Variants in SLC39A9 observed in about 807,000 individuals in gnomAD.
SLC39A9 encodes solute carrier family 39 member 9, also known as zinc transporter ZIP9.
SLC39A9 carries 14 observed loss-of-function variants against 28.4 expected under a neutral mutation model. That is an observed-to-expected ratio of 0.49 (90% CI 0.33 to 0.77). The LOEUF is 0.77. Ranked by LOEUF, SLC39A9 falls within the 30% of genes least tolerant of loss-of-function variation. The pLI is 0.02. For synonymous variants in SLC39A9, 119 were observed against 149.6 expected (o/e 0.80, Z 1.49); for missense variants, 283 against 381.1 (o/e 0.74, Z 2.14).
In SLC39A9 at chr14:69,423,553, A is replaced by G. The variant is rs569447159; in HGVS notation, c.97-541A>G. Among the ~76,000 whole-genome samples the G allele has an allele frequency of 7.2e-5, 11 of 152,250 alleles. No homozygotes were observed. In the East Asian group the frequency reaches 1.9e-3, roughly 27 times the overall value. ...GTATTAAAGTGTACTCATTCTTCCT[A>G]TCATGGATAGTAGACATTTTCCCAA... On this transcript the variant is annotated intron_variant, in intron 1 of 6. Transcript: ENST00000336643.
chr14:69,419,458 T>G (rs572251360), intron 1 of SLC39A9, among the ~76,000 whole-genome samples: 1 of 152,354 alleles, frequency 6.6e-6, no homozygotes, highest in African/African-American at 2.4e-5. Context: ...AATGTGGTGC[T>G]GAGAACAATG....
Position 69,442,701 on chromosome 14 carries a change from A to T in SLC39A9, c.403+435A>T, listed in dbSNP as rs532122223. ...TTGTGATATAGTAATGTATGTCTTT[A>T]TCAGTGCATTAAATAATGAGATAAT... On this transcript the variant is annotated intron_variant, in intron 3 of 6. Coordinates refer to ENST00000336643, the MANE Select transcript of SLC39A9 (RefSeq NM_018375.5). Among the ~76,000 whole-genome samples, 3 of 152,230 alleles carry T rather than the reference A, an allele frequency of 2.0e-5. No individual in the cohort carries two copies. In the South Asian group the frequency reaches 6.2e-4, roughly 31 times the overall value.
intron 6 of SLC39A9, among the ~76,000 whole-genome samples, chr14:69,456,574 CAT>C (rs1179491295): frequency 2.0e-5 from 3 of 152,140 alleles, no homozygotes; most frequent in Non-Finnish European, 4.4e-5. Context: ...CCTGAGGTAA[CAT>C]GTGCTCTTCT....
chr14:69,434,220 A>C (rs1364405104), intron 2 of SLC39A9, among the ~76,000 whole-genome samples: 1 of 150,516 alleles, frequency 6.6e-6, no homozygotes, highest in Non-Finnish European at 1.5e-5. Context: ...AGTAGCTGGG[A>C]TTACAGGCGC....
chr14:69,419,251 G>A (rs566607198), intron 1 of SLC39A9, among the ~76,000 whole-genome samples: 4 of 152,202 alleles, frequency 2.6e-5, no homozygotes, highest in South Asian at 4.1e-4. Flanking sequence ...CCTTCATTTC[G>A]TTGTTTACCC....
Position 69,453,314 on chromosome 14 carries a change from G to T in SLC39A9, c.472+5G>T. ...GTCTGGTTGTCCATGCTGCAGGTAG[G>T]GTTGGATTGCAGTGGAACTTCTTTG... On this transcript the variant is annotated splice_donor_5th_base_variant and intron_variant, in intron 4 of 6. Transcript: ENST00000336643. 4.3e-6 allele frequency: 7 copies of T among 1,613,664 alleles called. No homozygotes were observed. Among genetic ancestry groups the T allele is most frequent in the Non-Finnish European group, 5.1e-6 (6 of 1,179,634 alleles).
rs1885868124 is a variant in SLC39A9, at chr14:69,456,467, T to C, written c.693+601T>C. Among the ~76,000 whole-genome samples, 3 of 152,326 alleles carry C rather than the reference T, an allele frequency of 2.0e-5. No individual in the cohort carries two copies. In the South Asian group the frequency reaches 6.2e-4, roughly 32 times the overall value. On this transcript the variant is annotated intron_variant, in intron 6 of 6. Transcript: ENST00000336643. Reference sequence around the variant, plus strand: ...GGGAACTTAGCCATTCTTGGTCTCATTTTTCACGTTCCTCCTCTTCTCCCA... The same window carrying C: ...GGGAACTTAGCCATTCTTGGTCTCACTTTTCACGTTCCTCCTCTTCTCCCA...
At chr14:69,398,690 A>C (rs1333215185), upstream of SLC39A9, 1 of 239,696 alleles carries the variant, frequency 4.2e-6, no homozygotes, top group Admixed American at 5.3e-5. Flanking sequence ...AGTGGATGGA[A>C]TGAAGAGATG....
intron 1 of SLC39A9, among the ~76,000 whole-genome samples, chr14:69,423,437 T>C (rs1011271739): frequency 2.0e-5 from 3 of 152,168 alleles, no homozygotes; most frequent in Non-Finnish European, 4.4e-5. Flanking sequence ...AGAAGTAAAA[T>C]TTCTGGATCA....
chr14:69,428,079 A>T (rs539102373), intron 2 of SLC39A9, among the ~76,000 whole-genome samples: 1 of 152,322 alleles, frequency 6.6e-6, no homozygotes, highest in East Asian at 1.9e-4. Context: ...AGAGATCGAG[A>T]CCATCCTGGC....
Position 69,459,732 on chromosome 14 carries a change from C to G in SLC39A9, c.*1139C>G, listed in dbSNP as rs2139464577. Reference sequence around the variant, plus strand: ...AGCTTATTGGAATCATGTCTCTTGTCTCTTCGTCTTTTCTTTGCTTTTCTT... The same window carrying G: ...AGCTTATTGGAATCATGTCTCTTGTGTCTTCGTCTTTTCTTTGCTTTTCTT... On this transcript the variant is annotated 3_prime_UTR_variant, in exon 7 of 7. Transcript: ENST00000336643. 2 of 984,762 alleles carry G rather than the reference C, an allele frequency of 2.0e-6. No individual in the cohort carries two copies. Among genetic ancestry groups the G allele is most frequent in the South Asian group, 4.7e-5 (1 of 21,264 alleles). 61.0% of individuals were successfully genotyped at this position (984,762 alleles called of 1,614,324 possible).
intron 1 of SLC39A9, 86 bp from the exon 2 acceptor site, chr14:69,424,008 C>A: frequency 2.2e-6 from 2 of 889,864 alleles, no homozygotes; most frequent in Non-Finnish European, 3.6e-6. Flanking sequence ...AAATGAGCAG[C>A]TCACAGTCTT....
intron 2 of SLC39A9, 25 bp from the exon 3 acceptor site, chr14:69,442,044 C>G (rs755097250): frequency 6.3e-7 from 1 of 1,597,676 alleles, no homozygotes; most frequent in South Asian, 1.1e-5. Context: ...AACATATTTT[C>G]TCTTTATGGT....
Position 69,458,791 on chromosome 14 carries a change from T to C in SLC39A9, c.*198T>C, listed in dbSNP as rs1265666270. 2.9e-6 allele frequency: 4 copies of C among 1,357,698 alleles called. No homozygotes were observed. The African/African-American group carries it at 5.8e-5, about 20-fold the overall frequency. 84.1% of individuals were successfully genotyped at this position (1,357,698 alleles called of 1,614,324 possible). On this transcript the variant is annotated 3_prime_UTR_variant, in exon 7 of 7. Coordinates refer to ENST00000336643, the MANE Select transcript of SLC39A9 (RefSeq NM_018375.5). Reference sequence around the variant, plus strand: ...AGTAGAAACACATTTACGTTGCAGTTAGCTATAGACATCCCATTGTGTTAT... The same window carrying C: ...AGTAGAAACACATTTACGTTGCAGTCAGCTATAGACATCCCATTGTGTTAT...
Position 69,460,630 on chromosome 14 carries a change from T to G in SLC39A9, c.*2037T>G, listed in dbSNP as rs1313455324. 3.0e-6 allele frequency: 3 copies of G among 985,350 alleles called. No individual in the cohort carries two copies. Among genetic ancestry groups the G allele is most frequent in the Non-Finnish European group, 3.6e-6 (3 of 829,948 alleles). The allele number at this position is 985,350 out of a possible 1,614,324, so 61.0% of individuals were successfully genotyped here. A position where few individuals can be genotyped will look rare whatever the true frequency, so the allele number is the denominator to read the frequency against. The stretch of plus-strand genomic sequence containing the variant: ...TTTGTTCTACTGGCCAAAGCCTCTT[T>G]CAGCAGTGCCTTGCCATCATGCTTA... On this transcript the variant is annotated 3_prime_UTR_variant, in exon 7 of 7. Transcript: ENST00000336643.
At chr14:69,429,859 C>T (rs1884402248) in intron 2 of SLC39A9, among the ~76,000 whole-genome samples, 1 of 152,178 alleles carries the variant, frequency 6.6e-6, no homozygotes, top group Admixed American at 6.5e-5. Context: ...CCTTCCTTGT[C>T]AACACTTAGT....
intron 1 of SLC39A9, among the ~76,000 whole-genome samples, chr14:69,416,191 A>G (rs956863551): frequency 2.0e-5 from 3 of 151,954 alleles, no homozygotes; most frequent in East Asian, 1.9e-4. Flanking sequence ...CTCATTGATC[A>G]GTTCCCACCT....
At chr14:69,435,336 A>G (rs1884688793) in intron 2 of SLC39A9, among the ~76,000 whole-genome samples, 1 of 152,164 alleles carries the variant, frequency 6.6e-6, no homozygotes, top group Non-Finnish European at 1.5e-5. Context: ...TCACAAGTCT[A>G]CTTCATCTAA....
At chr14:69,430,662 T>C (rs914214511) in intron 2 of SLC39A9, among the ~76,000 whole-genome samples, 7 of 144,412 alleles carry the variant, frequency 4.8e-5, no homozygotes, top group Non-Finnish European at 1.1e-4. Flanking sequence ...AAGGTCTCAC[T>C]CTGTCACCCA....
Sources: gnomAD v4.1 joint callset for allele counts (sites outside exome capture counted in the v4.1 genomes callset) on GRCh38, gnomAD v4.1.1 for gene constraint, MANE v1.5 for transcripts, NCBI Gene and HGNC (gene_info 2026-07-23, HGNC 2026-07-21) for gene names.